The following SLC25A40 variants were observed in gnomAD, a reference collection of about 807,000 sequenced individuals.
SLC25A40 encodes mitochondrial glutathione transporter SLC25A40.
A neutral mutation model predicts 46.5 loss-of-function variants in SLC25A40; 41 were observed. The ratio of observed to expected loss-of-function variants is 0.88; its 90% confidence interval spans 0.69 to 1.14. The LOEUF is 1.14. Ranked by LOEUF, SLC25A40 falls within the 50% of genes most tolerant of loss-of-function variation. SLC25A40 has a pLI of 0.00. For synonymous variants in SLC25A40, 126 were observed against 127.5 expected, an observed-to-expected ratio of 0.99 and a Z score of 0.08; for missense variants, 386 against 393.6, an observed-to-expected ratio of 0.98 and a Z score of 0.16.
chr7:87,857,052 A>G (rs1431589793), intron 3 of SLC25A40, among the ~76,000 whole-genome samples: 1 of 152,224 alleles, frequency 6.6e-6, no homozygotes, highest in Non-Finnish European at 1.5e-5. Flanking sequence ...TTATTTACAT[A>G]AACTAGCCAA....
Position 87,873,429 on chromosome 7 carries a change from C to CTTT in SLC25A40, c.-94+2664_-94+2666dup, listed in dbSNP as rs573186397. Among the ~76,000 whole-genome samples, 84 of 125,672 alleles carry CTTT rather than the reference C, an allele frequency of 6.7e-4. 3 individuals carry two copies. Among genetic ancestry groups the CTTT allele is most frequent in the East Asian group, 1.9e-3 (8 of 4,170 alleles). The allele number at this position is 125,672 out of a possible 152,430, so 82.4% of individuals were successfully genotyped here. The stretch of plus-strand genomic sequence containing the variant: ...GTAAATTCTAGCATAGAAAGGTTAA[C>CTTT]TTTTTTTTTTTTTTTTTTTTTGAGA... On this transcript the variant is annotated intron_variant, in intron 1 of 11. Transcript: ENST00000341119.
At chr7:87,839,003 T>C (rs1838293738) in intron 10 of SLC25A40, among the ~76,000 whole-genome samples, 3 of 151,604 alleles carry the variant, frequency 2.0e-5, no homozygotes, top group Admixed American at 6.6e-5. Flanking sequence ...TTGCCATGGA[T>C]AGCCTGGTAC....
intron 8 of SLC25A40, 85 bp downstream of exon 8, chr7:87,846,863 TA>T: frequency 8.7e-7 from 1 of 1,155,710 alleles, no homozygotes; most frequent in Non-Finnish European, 1.2e-6. Context: ...CCTTTAATGG[TA>T]AAGAGTTAAA....
Position 87,847,011 on chromosome 7 carries a change from T to C in SLC25A40, c.569A>G (p.Asp190Gly). ...HRFVSKKVSE[D>G]GWISLWRGWA... ...GCCCCTCCAAAGGGAAATCCAACCATCTTCAGATACTTTCTTGCTGACAAA... is the reference window on the plus strand; with the variant it reads ...GCCCCTCCAAAGGGAAATCCAACCACCTTCAGATACTTTCTTGCTGACAAA... The change falls in exon 8 of 12, where the codon GAT becomes GGT. Residue 190 changes from aspartate to glycine, a missense_variant. Asp to Gly is a moderately conservative substitution (Grantham distance 94). Transcript: ENST00000341119. 6.2e-7 allele frequency: 1 copy of C among 1,613,764 alleles called. No individual in the cohort carries two copies. The highest frequency in any genetic ancestry group is 8.5e-7 in the Non-Finnish European group (1 of 1,179,804).
intron 11 of SLC25A40, 123 bp downstream of exon 11, chr7:87,836,602 ATAAAG>A: frequency 1.8e-6 from 1 of 566,084 alleles, no homozygotes; most frequent in Non-Finnish European, 2.9e-6. Context: ...TTAACTTATA[ATAAAG>A]ATATTTAGGA....
At chr7:87,869,143 G>A (rs1435803683) in intron 1 of SLC25A40, among the ~76,000 whole-genome samples, 2 of 152,088 alleles carry the variant, frequency 1.3e-5, no homozygotes, top group Non-Finnish European at 2.9e-5. Flanking sequence ...TATTGCTGGT[G>A]GTAATCTTGG....
At chr7:87,856,170 T>C in intron 4 of SLC25A40, 122 bp downstream of exon 4, 1 of 865,018 alleles carries the variant, frequency 1.2e-6, no homozygotes. Context: ...AAAAAAAGTT[T>C]TTCATGAGGA....
intron 3 of SLC25A40, 33 bp from the exon 4 acceptor site, chr7:87,856,384 T>TAA: frequency 6.6e-7 from 1 of 1,520,920 alleles, no homozygotes; most frequent in Non-Finnish European, 9.1e-7. Flanking sequence ...AATTAGCGAG[T>TAA]GGTATCTGTA....
At chr7:87,858,584 C>G (rs780241667) in intron 3 of SLC25A40, 47 bp downstream of exon 3, 2 of 1,032,228 alleles carry the variant, frequency 1.9e-6, no homozygotes, top group Non-Finnish European at 3.1e-6. Flanking sequence ...AATGGAAGCA[C>G]TGACTCATTC....
In SLC25A40 at chr7:87,875,948, G is replaced by A. The variant is rs1180046423; in HGVS notation, c.-94+148C>T. On this transcript the variant is annotated intron_variant, in intron 1 of 11. Coordinates refer to ENST00000341119, the MANE Select transcript of SLC25A40 (RefSeq NM_018843.4). ...AAACCCCGCTTGCTGTGCGACCCAGGGCGCGCTGAGCAGGGGCTGCGGCTG... is the reference window on the plus strand; with the variant it reads ...AAACCCCGCTTGCTGTGCGACCCAGAGCGCGCTGAGCAGGGGCTGCGGCTG... The A allele has an allele frequency of 5.9e-5, 9 of 152,474 alleles. No individual in the cohort carries two copies. The East Asian group carries it at 1.5e-3, about 26-fold the overall frequency. The allele number at this position is 152,474 out of a possible 1,614,324, so 9.4% of individuals were successfully genotyped here. A position where few individuals can be genotyped will look rare whatever the true frequency, so the allele number is the denominator to read the frequency against.
intron 1 of SLC25A40, among the ~76,000 whole-genome samples, chr7:87,873,925 C>T (rs987450912): frequency 8.6e-5 from 13 of 152,004 alleles, no homozygotes; most frequent in Admixed American, 7.2e-4. Context: ...CCATTCACTT[C>T]TTCTTAAATG....
At chr7:87,846,453 T>C (rs1838421945) in intron 8 of SLC25A40, among the ~76,000 whole-genome samples, 1 of 152,196 alleles carries the variant, frequency 6.6e-6, no homozygotes, top group Non-Finnish European at 1.5e-5. Flanking sequence ...CATAATTTTC[T>C]CCCTTTTCAT....
At chr7:87,854,412 G>A (rs555070373) in intron 4 of SLC25A40, 102 bp from the exon 5 acceptor site, 209 of 672,858 alleles carry the variant, frequency 3.1e-4, no homozygotes, top group African/African-American at 2.4e-3. Flanking sequence ...AGAAAATTAC[G>A]AAAAGAGAAA....
chr7:87,865,087 T>C (rs1838769785), intron 1 of SLC25A40, among the ~76,000 whole-genome samples: 1 of 151,882 alleles, frequency 6.6e-6, no homozygotes, highest in African/African-American at 2.4e-5. Context: ...GGCAATCCTA[T>C]TGCCTTAGCC....
chr7:87,849,244 A>G (rs1562744347), intron 6 of SLC25A40, among the ~76,000 whole-genome samples: 1 of 152,206 alleles, frequency 6.6e-6, no homozygotes, highest in Admixed American at 6.5e-5. Flanking sequence ...CAAACCTTAT[A>G]TAACTTCAGG....
Position 87,843,752 on chromosome 7 carries a change from A to T in SLC25A40, c.741+2T>A. On this transcript the variant is annotated splice_donor_variant, in intron 9 of 11. Coordinates refer to ENST00000341119, the MANE Select transcript of SLC25A40 (RefSeq NM_018843.4). LOFTEE classifies it high-confidence loss of function. ...ATATTAACAACAAAAGAATAAACTT[A>T]CAGAACCAGACAATGCCCCTGAAGT... The T allele has an allele frequency of 6.3e-7, 1 of 1,591,090 alleles. No homozygotes were observed. The highest frequency in any genetic ancestry group is 8.6e-7 in the Non-Finnish European group (1 of 1,163,228).
At chr7:87,844,568 G>C (rs1235814149) in intron 8 of SLC25A40, among the ~76,000 whole-genome samples, 1 of 151,930 alleles carries the variant, frequency 6.6e-6, no homozygotes, top group Non-Finnish European at 1.5e-5. Flanking sequence ...CAGCAAGTAA[G>C]AAAGAAAAGT....
In SLC25A40 at chr7:87,836,146, A is replaced by C. The variant is rs1489615814; in HGVS notation, c.*103T>G. The C allele has an allele frequency of 6.7e-6, 4 of 595,714 alleles. No individual in the cohort carries two copies. The highest frequency in any genetic ancestry group is 7.4e-5 in the Admixed American group (2 of 26,928). 36.9% of individuals were successfully genotyped at this position (595,714 alleles called of 1,614,324 possible). On this transcript the variant is annotated 3_prime_UTR_variant, in exon 12 of 12. Coordinates refer to ENST00000341119, the MANE Select transcript of SLC25A40 (RefSeq NM_018843.4). ...TTATTTATTTAAATTATAGGAAAGAAAGACATAAAATCATTGTGAGAGAAT... is the reference window on the plus strand; with the variant it reads ...TTATTTATTTAAATTATAGGAAAGACAGACATAAAATCATTGTGAGAGAAT...
At chr7:87,837,602 T>C (rs533237090) in intron 10 of SLC25A40, among the ~76,000 whole-genome samples, 250 of 151,460 alleles carry the variant, frequency 1.7e-3, no homozygotes, top group South Asian at 3.1e-3. Flanking sequence ...GTCACTGAAG[T>C]ATAAACATAA....
Sources: allele counts gnomAD v4.1 joint callset (sites outside exome capture counted in the v4.1 genomes callset), GRCh38; gene constraint gnomAD v4.1.1; transcripts MANE v1.5; gene names NCBI Gene and HGNC (gene_info 2026-07-23, HGNC 2026-07-21).